Variants in SYNE1 observed in about 807,000 individuals in gnomAD.
SYNE1 encodes spectrin repeat containing nuclear envelope protein 1.
Under a neutral mutation model 1,111.0 loss-of-function variants are expected in SYNE1, and 616 were observed. The observed-to-expected ratio is 0.55, with a 90% CI of 0.52 to 0.59. The LOEUF is 0.59. Among genes scored for constraint, SYNE1 ranks in the 20% least tolerant of loss-of-function variants. SYNE1 has a pLI of 0.00. For synonymous variants in SYNE1, 3,855 were observed against 3,825.8 expected, an observed-to-expected ratio of 1.01 and a Z score of -0.28; for missense variants, 10,006 against 10,417.0, an observed-to-expected ratio of 0.96 and a Z score of 1.72.
At chr6:152,574,165 T>C (rs2099486384) in intron 3 of SYNE1, among the ~76,000 whole-genome samples, 2 of 146,346 alleles carry the variant, frequency 1.4e-5, no homozygotes, top group Admixed American at 1.4e-4. Context: ...TATATATGTA[T>C]ATATATACAC....
rs1054958938 is a variant in SYNE1 at position 152,155,991 on chromosome 6, C to T, written c.23897G>A (p.Cys7966Tyr). ...TCTCGTAGCCTGCTGTATAGAGTCA[C>T]ACTCGGCATCAGTGGCACAGGCGTC... The part of the protein sequence containing the change: ...DCDACATDAE[C>Y]DSIQQATRNL... The change falls in exon 132 of 146, where the codon TGT becomes TAT. Residue 7966 changes from cysteine to tyrosine, a missense_variant. Cys to Tyr is a radical substitution (Grantham distance 194, BLOSUM62 -2). Transcript: ENST00000367255. The T allele has an allele frequency of 3.4e-5, 55 of 1,614,046 alleles. No homozygotes were observed. The highest frequency in any genetic ancestry group is 2.2e-4 in the Admixed American group (13 of 59,992).
At chr6:152,272,507 G>T (rs1218802068) in intron 98 of SYNE1, among the ~76,000 whole-genome samples, 4 of 152,100 alleles carry the variant, frequency 2.6e-5, no homozygotes. Context: ...TATTTTATGG[G>T]GCAATCTCTC....
chr6:152,511,454 C>A, intron 6 of SYNE1: 2 of 887,798 alleles, frequency 2.3e-6, no homozygotes, highest in Middle Eastern at 2.9e-4. Context: ...AAAGAAACTG[C>A]AATGAGAAGT....
chr6:152,628,165 A>G (rs572752493), intron 3 of SYNE1, 100 bp downstream of exon 3: 5 of 1,314,352 alleles, frequency 3.8e-6, no homozygotes, highest in Non-Finnish European at 4.4e-6. Context: ...ATTCTGGGCT[A>G]TAATTCCATG....
At position 152,330,560 on chromosome 6, in the gene SYNE1, C is replaced by A. The variant is rs756797527; in HGVS notation, c.14125G>T (p.Ala4709Ser). ...CTGCAACCATCTTGCAGAGAAAGAG[C>A]CTCCTCAACGGCCAGGTCGGTGGGA... ...KVPTDLAVEE[A>S]LSLQDGCRAI... The change falls in exon 78 of 146, where the codon GCT (alanine) becomes TCT (serine). Residue 4709 changes from alanine (A) to serine (S), a missense_variant. Ala to Ser is a moderately conservative substitution (Grantham distance 99). This residue lies in a region of SYNE1 where 4,955 missense variants were observed against 5,017.2 expected (regional missense o/e 0.99). Transcript: ENST00000367255. 1.9e-6 allele frequency: 3 copies of A among 1,614,074 alleles called. No individual in the cohort carries two copies. Among genetic ancestry groups the A allele is most frequent in the South Asian group, 2.2e-5 (2 of 91,078 alleles).
chr6:152,634,561 G>C (rs1451464417), intron 2 of SYNE1, among the ~76,000 whole-genome samples: 2 of 152,156 alleles, frequency 1.3e-5, no homozygotes, highest in African/African-American at 4.8e-5. Context: ...ATTAATGTAA[G>C]TATATTACTA....
intron 130 of SYNE1, chr6:152,168,310 T>C (rs1047154319): frequency 9.9e-6 from 6 of 603,268 alleles, no homozygotes; most frequent in Non-Finnish European, 1.8e-5. Flanking sequence ...AAATGCTCAC[T>C]GTAGACAAAT....
Position 152,133,278 on chromosome 6 carries a change from G to C in SYNE1, c.25999C>G (p.Gln8667Glu), listed in dbSNP as rs1192304031. Residue 8667 changes from glutamine (Q) to glutamate (E), a missense_variant and splice_region_variant, in exon 143 of 146, where the codon CAG (glutamine) becomes GAG (glutamate). Transcript: ENST00000367255. ...EKLLDVSSSQQDLSSWSSADE... is the reference protein window; with the variant it reads ...EKLLDVSSSQEDLSSWSSADE... Reference sequence around the variant, plus strand: ...GATGATGTCTGTTTATTGCTTACCTGCTGACTACTTGACACGTCTAATAAC... The same window carrying C: ...GATGATGTCTGTTTATTGCTTACCTCCTGACTACTTGACACGTCTAATAAC... 1 of 1,613,724 alleles carries C rather than the reference G, an allele frequency of 6.2e-7. No individual in the cohort carries two copies. The highest frequency in any genetic ancestry group is 8.5e-7 in the Non-Finnish European group (1 of 1,179,768).
At chr6:152,538,621 T>C (rs1344155955) in intron 4 of SYNE1, among the ~76,000 whole-genome samples, 1 of 150,432 alleles carries the variant, frequency 6.6e-6, no homozygotes, top group Non-Finnish European at 1.5e-5. Context: ...ATAACTCTTT[T>C]CATTTTGAAA....
chr6:152,392,193 A>G (rs1042145072), intron 51 of SYNE1, among the ~76,000 whole-genome samples: 3 of 152,252 alleles, frequency 2.0e-5, no homozygotes, highest in South Asian at 2.1e-4. Context: ...TTCACTTTCT[A>G]AAAGCTAGGG....
intron 49 of SYNE1, 84 bp from the exon 50 acceptor site, chr6:152,397,064 CAG>C (rs2097743812): frequency 1.4e-6 from 2 of 1,431,154 alleles, no homozygotes; most frequent in Admixed American, 1.7e-5. Context: ...AGAAGAAAAA[CAG>C]AGTCCAAAGG....
chr6:152,343,268 C>T (rs548807518), intron 74 of SYNE1, among the ~76,000 whole-genome samples: 19 of 151,198 alleles, frequency 1.3e-4, no homozygotes, highest in Middle Eastern at 3.4e-3. Flanking sequence ...AAGCAATTTT[C>T]GTGCTTCAGC....
chr6:152,199,138 T>C (rs1195974331), intron 127 of SYNE1, among the ~76,000 whole-genome samples: 1 of 152,232 alleles, frequency 6.6e-6, no homozygotes, highest in Non-Finnish European at 1.5e-5. Context: ...TATGATTGCC[T>C]GCAGAATCTT....
chr6:152,147,673 C>T, intron 137 of SYNE1: 1 of 294,410 alleles, frequency 3.4e-6, no homozygotes, highest in South Asian at 3.3e-5. Context: ...TCTCCCAGGA[C>T]TCCGGCTTTG....
At chr6:152,250,501 C>G (rs2088862085) in intron 104 of SYNE1, among the ~76,000 whole-genome samples, 2 of 152,052 alleles carry the variant, frequency 1.3e-5, no homozygotes, top group South Asian at 4.1e-4. Flanking sequence ...AATGTAAATT[C>G]AGGTCTAAAA....
chr6:152,488,363 T>C (rs2098952297), intron 12 of SYNE1, 33 bp downstream of exon 12: 2 of 1,231,698 alleles, frequency 1.6e-6, no homozygotes, highest in Non-Finnish European at 2.4e-6. Flanking sequence ...AAAATAGCTT[T>C]TGAAAAATTC....
chr6:152,582,048 C>T (rs1456737954), intron 3 of SYNE1, among the ~76,000 whole-genome samples: 1 of 152,066 alleles, frequency 6.6e-6, no homozygotes, highest in East Asian at 1.9e-4. Context: ...GTCATGTCAC[C>T]AATAACCCAC....
At chr6:152,593,914 C>T (rs2099573763) in intron 3 of SYNE1, among the ~76,000 whole-genome samples, 1 of 152,182 alleles carries the variant, frequency 6.6e-6, no homozygotes, top group Non-Finnish European at 1.5e-5. Flanking sequence ...CAAACAAGAG[C>T]TCTTTAATCA....
chr6:152,123,839 T>C (rs1416305390), intron 145 of SYNE1, among the ~76,000 whole-genome samples: 3 of 152,240 alleles, frequency 2.0e-5, no homozygotes, highest in Admixed American at 2.0e-4. Context: ...TTGGTAACTG[T>C]AGGTTTGGTC....
Sources: gnomAD v4.1 joint callset for allele counts (sites outside exome capture counted in the v4.1 genomes callset) on GRCh38, gnomAD v4.1.1 for gene constraint, gnomAD v4.1.1 regional missense constraint, MANE v1.5 for transcripts, NCBI Gene and HGNC (gene_info 2026-07-23, HGNC 2026-07-21) for gene names.